Variants in TNFSF4 observed in about 807,000 individuals in gnomAD.
TNFSF4 encodes the protein TNF superfamily member 4.
In TNFSF4, 4 loss-of-function variants were observed where a neutral mutation model predicts 7.3. The observed-to-expected ratio is 0.55, with a 90% CI of 0.27 to 1.25. TNFSF4 has a LOEUF of 1.25. TNFSF4 is among the 50% of genes most tolerant of loss of function. The pLI is 0.12. For synonymous variants in TNFSF4, 76 were observed against 83.7 expected, an observed-to-expected ratio of 0.91 and a Z score of 0.50; for missense variants, 181 against 208.8, an observed-to-expected ratio of 0.87 and a Z score of 0.82.
chr1:173,416,849 G>A, the TNFSF4 span, among the ~76,000 whole-genome samples: 15 of 151,890 alleles, frequency 9.9e-5, no homozygotes, highest in Non-Finnish European at 1.5e-4. Flanking sequence ...CACCCGCCTC[G>A]GCCTCCCAAA....
chr1:173,246,603 A>G, the TNFSF4 span, among the ~76,000 whole-genome samples: 20 of 152,356 alleles, frequency 1.3e-4, no homozygotes, highest in East Asian at 3.7e-3. Flanking sequence ...ACTTCCTAAG[A>G]AATGCTGAAC....
At chr1:173,341,004 C>T in the TNFSF4 span, among the ~76,000 whole-genome samples, 1 of 152,128 alleles carries the variant, frequency 6.6e-6, no homozygotes, top group Non-Finnish European at 1.5e-5. Flanking sequence ...TGAGTGAGTT[C>T]TCATGAGATC....
chr1:173,450,542 C>T, the TNFSF4 span, among the ~76,000 whole-genome samples: 1 of 151,272 alleles, frequency 6.6e-6, no homozygotes, highest in Non-Finnish European at 1.5e-5. Context: ...AAATTGAATC[C>T]AAAAATATAT....
chr1:173,244,264 G>A, the TNFSF4 span, among the ~76,000 whole-genome samples: 1 of 152,158 alleles, frequency 6.6e-6, no homozygotes. Context: ...GTAGAAATGA[G>A]GGAAGTGTCA....
the TNFSF4 span, among the ~76,000 whole-genome samples, chr1:173,396,092 G>A: frequency 6.6e-6 from 1 of 152,182 alleles, no homozygotes; most frequent in Non-Finnish European, 1.5e-5. Flanking sequence ...ATTTGTCCCA[G>A]TATGCCCTGA....
chr1:173,216,215 G>A, the TNFSF4 span, among the ~76,000 whole-genome samples: 1 of 152,040 alleles, frequency 6.6e-6, no homozygotes, highest in Non-Finnish European at 1.5e-5. Context: ...AGCAGGGTAG[G>A]AATCCCCTTA....
At chr1:173,211,125 C>T (rs1389061099), upstream of TNFSF4, among the ~76,000 whole-genome samples, 1 of 152,210 alleles carries the variant, frequency 6.6e-6, no homozygotes, top group Non-Finnish European at 1.5e-5. Flanking sequence ...GGAGAAGACA[C>T]TTACAGTGGC....
chr1:173,303,129 T>C, the TNFSF4 span, among the ~76,000 whole-genome samples: 1 of 151,848 alleles, frequency 6.6e-6, no homozygotes, highest in East Asian at 1.9e-4. Flanking sequence ...TCTTACAGAC[T>C]GAGTTTTTAA....
the TNFSF4 span, among the ~76,000 whole-genome samples, chr1:173,316,408 G>C: frequency 6.6e-6 from 1 of 151,960 alleles, no homozygotes; most frequent in African/African-American, 2.4e-5. Context: ...AAAATGCTTT[G>C]TACTCAGAAG....
At chr1:173,229,253 C>A in the TNFSF4 span, among the ~76,000 whole-genome samples, 2 of 152,304 alleles carry the variant, frequency 1.3e-5, no homozygotes, top group East Asian at 3.9e-4. Flanking sequence ...ACAATACAAG[C>A]CAGAAGAGAG....
the TNFSF4 span, among the ~76,000 whole-genome samples, chr1:173,369,093 G>T: frequency 6.6e-6 from 1 of 152,088 alleles, no homozygotes; most frequent in Non-Finnish European, 1.5e-5. Flanking sequence ...AGGATATGGG[G>T]AGCCTCAGAA....
At chr1:173,194,550 T>C (rs1649613575) in intron 1 of TNFSF4, among the ~76,000 whole-genome samples, 1 of 151,774 alleles carries the variant, frequency 6.6e-6, no homozygotes, top group African/African-American at 2.4e-5. Context: ...TTATTAATAG[T>C]TGGAAGAAAA....
At chr1:173,431,444 C>T in the TNFSF4 span, among the ~76,000 whole-genome samples, 1 of 152,198 alleles carries the variant, frequency 6.6e-6, no homozygotes, top group Non-Finnish European at 1.5e-5. Context: ...GATTGTTGGG[C>T]CTTGGGCCCT....
At chr1:173,178,900 G>A (rs1648999475), downstream of TNFSF4, among the ~76,000 whole-genome samples, 1 of 152,166 alleles carries the variant, frequency 6.6e-6, no homozygotes, top group African/African-American at 2.4e-5. Flanking sequence ...TGGCAGACTT[G>A]ACTGTAGAAA....
chr1:173,358,366 G>A, the TNFSF4 span, among the ~76,000 whole-genome samples: 15,008 of 152,154 alleles, frequency 0.099, 864 homozygotes, highest in East Asian at 0.27. Flanking sequence ...TCAAAAGTCT[G>A]CTAAGCTACA....
chr1:173,177,280 A>G, the TNFSF4 span, among the ~76,000 whole-genome samples: 2 of 152,342 alleles, frequency 1.3e-5, no homozygotes, highest in East Asian at 3.9e-4. Context: ...GAACAAGATC[A>G]TGTCCTCTGC....
the TNFSF4 span, among the ~76,000 whole-genome samples, chr1:173,424,716 A>T: frequency 1.3e-5 from 2 of 152,358 alleles, no homozygotes; most frequent in Middle Eastern, 3.4e-3. Context: ...CAACATTAAG[A>T]TAAAAAGAAA....
chr1:173,320,093 G>A, the TNFSF4 span, among the ~76,000 whole-genome samples: 8 of 152,078 alleles, frequency 5.3e-5, no homozygotes. Flanking sequence ...ATAAAATGAA[G>A]GCAAACTGAA....
At chr1:173,391,841 T>C in the TNFSF4 span, among the ~76,000 whole-genome samples, 2 of 152,086 alleles carry the variant, frequency 1.3e-5, no homozygotes, top group Admixed American at 6.6e-5. Context: ...AAGGACAAAA[T>C]TGAGAGGTTT....
Sources: allele counts gnomAD v4.1 joint callset (sites outside exome capture counted in the v4.1 genomes callset), GRCh38; gene constraint gnomAD v4.1.1; transcripts MANE v1.5; gene names NCBI Gene and HGNC (gene_info 2026-07-23, HGNC 2026-07-21).